COL24A1: variants seen among roughly 807,000 people sequenced by gnomAD.
COL24A1 encodes collagen alpha-1(XXIV) chain.
COL24A1 carries 224 observed loss-of-function variants against 253.9 expected under a neutral mutation model. The observed-to-expected ratio is 0.88, with a 90% CI of 0.79 to 0.99. The LOEUF is 0.99. Ranked by LOEUF, COL24A1 falls within the 50% of genes least tolerant of loss-of-function variation. The pLI is 0.00. For synonymous variants in COL24A1, 685 were observed against 673.7 expected, an observed-to-expected ratio of 1.02 and a Z score of -0.26; for missense variants, 2,131 against 2,068.5, an observed-to-expected ratio of 1.03 and a Z score of -0.59.
At chr1:85,829,057 G>C (rs1291546739) in intron 43 of COL24A1, among the ~76,000 whole-genome samples, 1 of 152,060 alleles carries the variant, frequency 6.6e-6, no homozygotes, top group Non-Finnish European at 1.5e-5. Context: ...TGCAGTGGCT[G>C]GTACCGGTTG....
intron 37 of COL24A1, among the ~76,000 whole-genome samples, chr1:85,863,556 C>T (rs1679413935): frequency 1.3e-5 from 2 of 152,272 alleles, no homozygotes; most frequent in African/African-American, 2.4e-5. Flanking sequence ...CAAATGGGAT[C>T]TAATTAAACT....
At chr1:86,118,217 C>T (rs907547827) in intron 3 of COL24A1, among the ~76,000 whole-genome samples, 5 of 152,076 alleles carry the variant, frequency 3.3e-5, no homozygotes, top group African/African-American at 1.2e-4. Context: ...TGCGTGCCAC[C>T]ATGCCCAGCT....
chr1:85,925,427 A>G (rs1359333818), intron 24 of COL24A1, among the ~76,000 whole-genome samples: 2 of 152,126 alleles, frequency 1.3e-5, no homozygotes, highest in Non-Finnish European at 2.9e-5. Context: ...AAACTATACT[A>G]CAAGGCTACA....
intron 2 of COL24A1, among the ~76,000 whole-genome samples, chr1:86,144,422 TA>T (rs1429532345): frequency 6.6e-6 from 1 of 152,152 alleles, no homozygotes; most frequent in Non-Finnish European, 1.5e-5. Context: ...ACTGTGAAGC[TA>T]GAGGACGTCT....
chr1:85,754,756 G>A (rs1257805550), intron 55 of COL24A1, among the ~76,000 whole-genome samples: 1 of 151,890 alleles, frequency 6.6e-6, no homozygotes, highest in Non-Finnish European at 1.5e-5. Flanking sequence ...CTTGAAGACA[G>A]GTTTATTGAG....
intron 20 of COL24A1, among the ~76,000 whole-genome samples, chr1:85,983,239 T>C (rs1237037167): frequency 6.6e-6 from 1 of 151,988 alleles, no homozygotes; most frequent in Non-Finnish European, 1.5e-5. Context: ...ATAGAGAATA[T>C]TTATTTGCTA....
chr1:85,935,901 G>T (rs918580911), intron 24 of COL24A1, among the ~76,000 whole-genome samples: 2 of 147,434 alleles, frequency 1.4e-5, no homozygotes, highest in African/African-American at 5.0e-5. Context: ...CCTGCAATAA[G>T]CTCCTTCAAG....
At chr1:86,105,129 G>A (rs539851560) in intron 5 of COL24A1, among the ~76,000 whole-genome samples, 1 of 152,300 alleles carries the variant, frequency 6.6e-6, no homozygotes, top group African/African-American at 2.4e-5. Flanking sequence ...TGACACAGGG[G>A]TGGGGTGCTG....
chr1:85,842,517 T>G, intron 39 of COL24A1, 124 bp from the exon 40 acceptor site: 1 of 686,512 alleles, frequency 1.5e-6, no homozygotes, highest in Non-Finnish European at 2.4e-6. Flanking sequence ...TTACCTAGTT[T>G]GAAATAGGAA....
chr1:86,097,092 A>G (rs987567176), intron 5 of COL24A1, among the ~76,000 whole-genome samples: 5 of 152,278 alleles, frequency 3.3e-5, no homozygotes, highest in East Asian at 1.9e-4. Flanking sequence ...AATAATTTCT[A>G]TATACCCAGG....
chr1:85,887,472 A>G (rs991133726), intron 32 of COL24A1, among the ~76,000 whole-genome samples: 2 of 151,548 alleles, frequency 1.3e-5, no homozygotes, highest in Non-Finnish European at 2.9e-5. Context: ...AGGGGTCAGC[A>G]AACTTTTTTT....
intron 50 of COL24A1, 25 bp from the exon 51 acceptor site, chr1:85,783,583 A>T (rs370459882): frequency 3.5e-5 from 57 of 1,605,704 alleles, no homozygotes; most frequent in Non-Finnish European, 8.5e-7. Flanking sequence ...AGAAACAAAA[A>T]GATAAAATTT....
At chr1:85,933,264 C>T (rs1026628303) in intron 24 of COL24A1, among the ~76,000 whole-genome samples, 12 of 152,118 alleles carry the variant, frequency 7.9e-5, no homozygotes, top group Non-Finnish European at 1.6e-4. Flanking sequence ...CTAATTTTTG[C>T]TGTCAGCCAA....
At chr1:85,857,869 T>C (rs1319895588) in intron 37 of COL24A1, among the ~76,000 whole-genome samples, 1 of 152,208 alleles carries the variant, frequency 6.6e-6, no homozygotes, top group Non-Finnish European at 1.5e-5. Flanking sequence ...GAAAACCAGA[T>C]GAGCCAGAAA....
chr1:85,736,473 C>T, intron 58 of COL24A1: 1 of 456,268 alleles, frequency 2.2e-6, no homozygotes, highest in Non-Finnish European at 4.4e-6. Context: ...GTAGGACTAT[C>T]ATGCTGCTCT....
At chr1:86,024,433 T>C (rs1455791989) in intron 14 of COL24A1, among the ~76,000 whole-genome samples, 4 of 152,180 alleles carry the variant, frequency 2.6e-5, no homozygotes, top group African/African-American at 4.8e-5. Context: ...TGGTGATTTC[T>C]AGAGCTCAAT....
chr1:86,152,705 A>G (rs866316252), intron 1 of COL24A1, among the ~76,000 whole-genome samples: 2 of 152,358 alleles, frequency 1.3e-5, no homozygotes, highest in Non-Finnish European at 2.9e-5. Context: ...GGGAAGAAAA[A>G]TACATCTAAA....
At chr1:85,784,957 C>G (rs971485866) in intron 48 of COL24A1, among the ~76,000 whole-genome samples, 1 of 152,090 alleles carries the variant, frequency 6.6e-6, no homozygotes, top group Non-Finnish European at 1.5e-5. Context: ...TCTTGAACTA[C>G]TAGCCTCAAG....
intron 14 of COL24A1, among the ~76,000 whole-genome samples, chr1:86,030,857 T>G (rs1571669756): frequency 6.6e-6 from 1 of 151,668 alleles, no homozygotes; most frequent in Admixed American, 6.6e-5. Context: ...CTTGGCCTCC[T>G]AAAGTGCTGG....
Sources: gnomAD v4.1 joint callset for allele counts (sites outside exome capture counted in the v4.1 genomes callset) on GRCh38, gnomAD v4.1.1 for gene constraint, MANE v1.5 for transcripts, NCBI Gene and HGNC (gene_info 2026-07-23, HGNC 2026-07-21) for gene names.